GPC6: variants seen among roughly 807,000 people sequenced by gnomAD.
GPC6 encodes the protein glypican-6.
A neutral mutation model predicts 55.2 loss-of-function variants in GPC6; 14 were observed. That is an observed-to-expected ratio of 0.25 (90% CI 0.17 to 0.40). GPC6 has a LOEUF of 0.40. GPC6 is among the 10% of genes least tolerant of loss of function. The pLI, the probability that GPC6 is intolerant of heterozygous loss-of-function variation, is 1.00. For synonymous variants in GPC6, 278 were observed against 259.6 expected, an observed-to-expected ratio of 1.07 and a Z score of -0.68; for missense variants, 641 against 708.5, an observed-to-expected ratio of 0.90 and a Z score of 1.08.
At chr13:93,748,846 T>C (rs1884486587) in intron 2 of GPC6, among the ~76,000 whole-genome samples, 1 of 151,944 alleles carries the variant, frequency 6.6e-6, no homozygotes, top group Non-Finnish European at 1.5e-5. Flanking sequence ...GTTTTGAGTA[T>C]ATGTTCTTCC....
chr13:94,275,917 C>T (rs947131161), intron 4 of GPC6, among the ~76,000 whole-genome samples: 3 of 152,078 alleles, frequency 2.0e-5, no homozygotes, highest in Non-Finnish European at 2.9e-5. Context: ...AAGATCCAAA[C>T]GTTTGATCTT....
intron 1 of GPC6, among the ~76,000 whole-genome samples, chr13:93,392,987 C>G (rs1471500733): frequency 6.6e-6 from 1 of 151,570 alleles, no homozygotes; most frequent in African/African-American, 2.4e-5. Context: ...ACAGAAGATT[C>G]TTGGAGTTTA....
At chr13:94,120,605 A>C (rs1217706732) in intron 4 of GPC6, among the ~76,000 whole-genome samples, 1 of 152,122 alleles carries the variant, frequency 6.6e-6, no homozygotes, top group Non-Finnish European at 1.5e-5. Flanking sequence ...CAACTGAGAA[A>C]ACATTCTGTT....
intron 1 of GPC6, among the ~76,000 whole-genome samples, chr13:93,288,568 T>C (rs992753590): frequency 1.3e-5 from 2 of 152,204 alleles, no homozygotes; most frequent in Non-Finnish European, 2.9e-5. Flanking sequence ...TTTAGATGTA[T>C]GTAAGATGAA....
chr13:93,560,819 T>C (rs939232697), intron 2 of GPC6, among the ~76,000 whole-genome samples: 1 of 152,116 alleles, frequency 6.6e-6, no homozygotes, highest in African/African-American at 2.4e-5. Flanking sequence ...CCTGTTAATT[T>C]TGTGGGAACA....
intron 1 of GPC6, among the ~76,000 whole-genome samples, chr13:93,501,470 C>T (rs190210507): frequency 6.6e-6 from 1 of 152,114 alleles, no homozygotes; most frequent in Non-Finnish European, 1.5e-5. Flanking sequence ...GAAATCTTCC[C>T]TAAATTTCAG....
At chr13:93,594,317 C>A (rs2139512732) in intron 2 of GPC6, among the ~76,000 whole-genome samples, 1 of 152,128 alleles carries the variant, frequency 6.6e-6, no homozygotes, top group Non-Finnish European at 1.5e-5. Flanking sequence ...TCTTCCTCCT[C>A]CCACCCTTTA....
intron 2 of GPC6, among the ~76,000 whole-genome samples, chr13:93,637,458 G>A (rs75790797): frequency 0.011 from 1,621 of 151,898 alleles, 16 homozygotes; most frequent in Non-Finnish European, 0.017. Context: ...TCAACTCTGG[G>A]ATGTAGGTCT....
intron 1 of GPC6, among the ~76,000 whole-genome samples, chr13:93,539,756 A>C (rs1422141550): frequency 2.7e-5 from 4 of 149,568 alleles, no homozygotes; most frequent in Non-Finnish European, 5.9e-5. Flanking sequence ...CAATGACGTG[A>C]CCTCAGCTCA....
intron 1 of GPC6, among the ~76,000 whole-genome samples, chr13:93,333,211 T>C (rs1879915410): frequency 6.6e-6 from 1 of 152,172 alleles, no homozygotes; most frequent in African/African-American, 2.4e-5. Flanking sequence ...TTTAGGACTT[T>C]TTTTCTGTGT....
At chr13:93,868,322 A>G (rs952367807) in intron 3 of GPC6, among the ~76,000 whole-genome samples, 1 of 151,758 alleles carries the variant, frequency 6.6e-6, no homozygotes, top group African/African-American at 2.4e-5. Context: ...AATAGCCTAT[A>G]TTATAAGTGT....
intron 2 of GPC6, among the ~76,000 whole-genome samples, chr13:93,683,449 A>G (rs1881931339): frequency 6.6e-6 from 1 of 152,130 alleles, no homozygotes; most frequent in South Asian, 2.1e-4. Flanking sequence ...TTTGTATTTA[A>G]TAATTATTTT....
chr13:93,523,078 T>C (rs1353982608), intron 1 of GPC6, among the ~76,000 whole-genome samples: 1 of 151,268 alleles, frequency 6.6e-6, no homozygotes, highest in East Asian at 2.0e-4. Flanking sequence ...TACATATATG[T>C]GTGTAACATG....
intron 1 of GPC6, among the ~76,000 whole-genome samples, chr13:93,314,479 A>G (rs1295953472): frequency 2.6e-5 from 4 of 152,184 alleles, no homozygotes; most frequent in Admixed American, 1.3e-4. Context: ...TACTCCCCAC[A>G]TGGTATTCTC....
At chr13:93,467,974 C>G (rs1448793774) in intron 1 of GPC6, among the ~76,000 whole-genome samples, 1 of 151,990 alleles carries the variant, frequency 6.6e-6, no homozygotes, top group Non-Finnish European at 1.5e-5. Flanking sequence ...GAATGTTTAG[C>G]TGAACCTGAA....
At chr13:93,886,161 A>G (rs1875312784) in intron 3 of GPC6, among the ~76,000 whole-genome samples, 1 of 152,232 alleles carries the variant, frequency 6.6e-6, no homozygotes, top group Middle Eastern at 3.4e-3. Flanking sequence ...CACAACTGTC[A>G]TTATCAACAC....
At chr13:94,186,059 CCAAAAAAA>C (rs1354539986) in intron 4 of GPC6, among the ~76,000 whole-genome samples, 19 of 63,858 alleles carry the variant, frequency 3.0e-4, no homozygotes, top group African/African-American at 9.9e-4. Flanking sequence ...GACTCCGTCT[CCAAAAAAA>C]AAAAAAAAAA....
chr13:94,056,542 T>C (rs1884140024), intron 4 of GPC6, among the ~76,000 whole-genome samples: 1 of 152,178 alleles, frequency 6.6e-6, no homozygotes, highest in African/African-American at 2.4e-5. Context: ...CTGAGTCAAC[T>C]CCGAGCCTCT....
intron 4 of GPC6, among the ~76,000 whole-genome samples, chr13:94,138,902 C>T (rs561639200): frequency 2.0e-4 from 31 of 152,114 alleles, no homozygotes; most frequent in Admixed American, 1.1e-3. Flanking sequence ...ATTAAGTCTC[C>T]GTCTAGGGCA....
Sources: gnomAD v4.1 joint callset for allele counts (sites outside exome capture counted in the v4.1 genomes callset) on GRCh38, gnomAD v4.1.1 for gene constraint, MANE v1.5 for transcripts, NCBI Gene and HGNC (gene_info 2026-07-23, HGNC 2026-07-21) for gene names.